PREP: variants seen among roughly 807,000 people sequenced by gnomAD.
PREP encodes prolyl endopeptidase.
In PREP, 29 loss-of-function variants were observed where a neutral mutation model predicts 87.6. That is an observed-to-expected ratio of 0.33 (90% confidence interval 0.25 to 0.45). The LOEUF (loss-of-function observed/expected upper bound fraction) is 0.45, where lower values mean the gene tolerates loss of function less well. Among genes scored for constraint, PREP ranks in the 20% least tolerant of loss-of-function variants. The pLI is 1.00. For missense variants in PREP, 695 were observed against 886.5 expected (o/e 0.78, Z 2.74); for synonymous variants, 337 against 328.6 (o/e 1.03, Z -0.28).
chr6:105,281,782 C>A lies in PREP; in HGVS notation c.1802G>T (p.Cys601Phe). Residue 601 changes from cysteine (C) to phenylalanine (F), a missense_variant, in exon 14 of 15, where the codon TGC becomes TTC. By Grantham distance (205) the Cys-to-Phe change is radical. Around this residue, in one of 5 missense-constraint regions of PREP, gnomAD observed 121 missense variants for 154.8 expected, o/e 0.78. Transcript: ENST00000652536. ...TTCAAAGTGTTGTTTGCTGTCCGAG[C>A]ACCCATAATCAGTGGTCCAAGCATG... ...IGHAWTTDYG[C>F]SDSKQHFEWL... 1 of 1,614,038 alleles carries A rather than the reference C, an allele frequency of 6.2e-7. No individual in the cohort carries two copies. The highest frequency in any genetic ancestry group is 1.1e-5 in the South Asian group (1 of 91,038).
chr6:105,400,962 T>C (rs1773413411), intron 1 of PREP, among the ~76,000 whole-genome samples: 1 of 148,018 alleles, frequency 6.8e-6, no homozygotes, highest in Middle Eastern at 3.3e-3. Flanking sequence ...AACCAAAACC[T>C]TAATGCAAAA....
At chr6:105,314,747 A>T (rs1770826733) in intron 10 of PREP, among the ~76,000 whole-genome samples, 1 of 152,174 alleles carries the variant, frequency 6.6e-6, no homozygotes, top group Admixed American at 6.5e-5. Context: ...AACTCATGTT[A>T]ATGTTGATAT....
intron 14 of PREP, chr6:105,280,490 G>T (rs974182422): frequency 6.6e-6 from 1 of 152,210 alleles, no homozygotes; most frequent in African/African-American, 2.4e-5. Context: ...TCAGCATAGT[G>T]GTTGCAGGAT....
chr6:105,375,147 C>A (rs890438337), intron 4 of PREP, among the ~76,000 whole-genome samples: 1 of 152,064 alleles, frequency 6.6e-6, no homozygotes, highest in Admixed American at 6.6e-5. Flanking sequence ...TATACACAGC[C>A]TATTCAGAGG....
intron 4 of PREP, 70 bp downstream of exon 4, chr6:105,376,055 A>G (rs750878206): frequency 9.8e-5 from 150 of 1,529,288 alleles, no homozygotes; most frequent in Non-Finnish European, 1.3e-4. Flanking sequence ...GAGGTAAAGC[A>G]ACTGCACTAA....
chr6:105,352,109 T>C (rs1771972270), intron 7 of PREP, among the ~76,000 whole-genome samples: 1 of 152,192 alleles, frequency 6.6e-6, no homozygotes, highest in Admixed American at 6.5e-5. Flanking sequence ...GAAATGCACT[T>C]AGTATTTTGA....
In PREP at chr6:105,281,732, C is replaced by A. The variant is rs1583033189; in HGVS notation, c.1838+14G>T. The A allele has an allele frequency of 6.2e-7, 1 of 1,611,744 alleles. No individual in the cohort carries two copies. The highest frequency in any genetic ancestry group is 1.1e-5 in the South Asian group (1 of 90,460). ...CAAACCACTAACAACATATATATGT[C>A]AATAAAACCTTACTTGACAAGCCAT... On this transcript the variant is annotated intron_variant, in intron 14 of 14. Coordinates refer to ENST00000652536, the MANE Select transcript of PREP (RefSeq NM_002726.5).
chr6:105,387,015 C>A (rs532880014), intron 2 of PREP, among the ~76,000 whole-genome samples: 1 of 152,292 alleles, frequency 6.6e-6, no homozygotes, highest in African/African-American at 2.4e-5. Flanking sequence ...GAGTTTAAGA[C>A]CAGCTTGGCC....
chr6:105,298,195 A>T (rs180769757), intron 10 of PREP: 40 of 152,332 alleles, frequency 2.6e-4, no homozygotes, highest in African/African-American at 9.1e-4. Flanking sequence ...GTGATGAATC[A>T]CCTGAGAGAG....
intron 9 of PREP, among the ~76,000 whole-genome samples, chr6:105,328,289 C>T (rs1450849218): frequency 2.7e-5 from 4 of 150,792 alleles, no homozygotes; most frequent in South Asian, 2.1e-4. Context: ...GATGGAGTCT[C>T]ACTCTGTTGA....
chr6:105,380,392 A>G (rs1332824026), intron 2 of PREP, among the ~76,000 whole-genome samples: 1 of 152,170 alleles, frequency 6.6e-6, no homozygotes, highest in Non-Finnish European at 1.5e-5. Context: ...GGCAGATATG[A>G]TGTTTCGATC....
chr6:105,356,554 T>G (rs1295691640), intron 6 of PREP, among the ~76,000 whole-genome samples: 2 of 152,208 alleles, frequency 1.3e-5, no homozygotes, highest in Non-Finnish European at 2.9e-5. Flanking sequence ...CAAATTCCAG[T>G]GGCTTCAGTC....
intron 10 of PREP, among the ~76,000 whole-genome samples, chr6:105,315,932 T>A (rs1480297026): frequency 6.6e-6 from 1 of 152,248 alleles, no homozygotes; most frequent in Non-Finnish European, 1.5e-5. Flanking sequence ...GGATTAGGCC[T>A]TGGCTTAAGG....
At chr6:105,374,828 C>G (rs1772647695) in intron 4 of PREP, among the ~76,000 whole-genome samples, 1 of 151,956 alleles carries the variant, frequency 6.6e-6, no homozygotes, top group Non-Finnish European at 1.5e-5. Context: ...TTAGAAAACT[C>G]AATGACTGTT....
At position 105,377,411 on chromosome 6, in the gene PREP, T is replaced by C; in HGVS notation, c.229A>G (p.Ser77Gly). 6.2e-7 allele frequency: 1 copy of C among 1,611,490 alleles called. No individual in the cohort carries two copies. The highest frequency in any genetic ancestry group is 1.1e-5 in the South Asian group (1 of 90,162). Residue 77 changes from serine to glycine, a missense_variant, in exon 3 of 15, where the codon AGT becomes GGT. Coordinates refer to ENST00000652536, the MANE Select transcript of PREP (RefSeq NM_002726.5). The part of the protein sequence containing the change: ...MTELYDYPKY[S>G]CHFKKGKRYF... ...CGTTTTCCTTTCTTGAAGTGGCAAC[T>C]ATACTTGGGATAATCATATAGTTCA...
intron 1 of PREP, among the ~76,000 whole-genome samples, chr6:105,401,586 C>T (rs930967010): frequency 6.6e-6 from 1 of 151,468 alleles, no homozygotes. Flanking sequence ...TCCATTCCAG[C>T]AGGATCACTT....
chr6:105,390,400 G>A lies in PREP; in HGVS notation c.120+7453C>T, dbSNP rs1390399553. ...TTAGAGTTCTCTTCTCAAGGTCTGT[G>A]AAGGAAATGGAGTTGTTGTTACTCT... On this transcript the variant is annotated intron_variant, in intron 2 of 14. Transcript: ENST00000652536. Among the ~76,000 whole-genome samples, 7 of 152,298 alleles carry A rather than the reference G, an allele frequency of 4.6e-5. No homozygotes were observed. The South Asian group carries it at 8.3e-4, about 18-fold the overall frequency.
At chr6:105,282,410 G>A in intron 13 of PREP, 41 bp downstream of exon 13, 2 of 1,594,956 alleles carry the variant, frequency 1.3e-6, no homozygotes, top group African/African-American at 1.3e-5. Flanking sequence ...AACCCCAAGA[G>A]GGCTAACTAG....
intron 11 of PREP, among the ~76,000 whole-genome samples, chr6:105,287,657 T>C (rs966522234): frequency 2.6e-5 from 4 of 152,206 alleles, no homozygotes; most frequent in African/African-American, 7.2e-5. Flanking sequence ...GAATCTATTC[T>C]GAATTTATGT....
Sources: allele counts gnomAD v4.1 joint callset (sites outside exome capture counted in the v4.1 genomes callset), GRCh38; gene constraint gnomAD v4.1.1; regional missense constraint gnomAD v4.1.1; transcripts MANE v1.5; gene names NCBI Gene and HGNC (gene_info 2026-07-23, HGNC 2026-07-21).